Variants in LDLRAD3 observed in about 807,000 individuals in gnomAD.
The protein encoded by LDLRAD3 is low density lipoprotein receptor class A domain containing 3, also known as low-density lipoprotein receptor class A domain-containing protein 3.
Under a neutral mutation model 29.4 loss-of-function variants are expected in LDLRAD3, and 20 were observed. The ratio of observed to expected loss-of-function variants is 0.68; its 90% CI spans 0.48 to 0.99. The LOEUF is 0.99. Among genes scored for constraint, LDLRAD3 ranks in the 50% least tolerant of loss-of-function variants. The pLI is 0.00. For synonymous variants in LDLRAD3, 157 were observed against 192.7 expected (o/e 0.81, Z 1.53); for missense variants, 420 against 454.3 (o/e 0.92, Z 0.69).
intron 5 of LDLRAD3, among the ~76,000 whole-genome samples, chr11:36,228,327 T>C (rs1855527934): frequency 6.6e-6 from 1 of 152,194 alleles, no homozygotes. Context: ...AGTGTAAGAA[T>C]TCAGGACCTT....
intron 1 of LDLRAD3, among the ~76,000 whole-genome samples, chr11:35,958,071 C>T (rs144280879): frequency 5.8e-4 from 88 of 152,260 alleles, no homozygotes; most frequent in African/African-American, 1.7e-3. Flanking sequence ...GGAGAGTTAT[C>T]GTGCCAGTAT....
intron 4 of LDLRAD3, among the ~76,000 whole-genome samples, chr11:36,195,984 A>G (rs529151068): frequency 6.6e-6 from 1 of 151,822 alleles, no homozygotes; most frequent in South Asian, 2.1e-4. Context: ...ACTAAGCCAC[A>G]GTCAGCCCAT....
At chr11:36,086,394 T>A (rs1853196182) in intron 3 of LDLRAD3, among the ~76,000 whole-genome samples, 1 of 151,880 alleles carries the variant, frequency 6.6e-6, no homozygotes. Flanking sequence ...GGAGTGCTTA[T>A]ATATGTGTTT....
rs934663978 is a variant in LDLRAD3, at chr11:36,150,481, T to G, written c.454+52020T>G. Among the ~76,000 whole-genome samples the G allele has an allele frequency of 1.9e-4, 29 of 151,910 alleles. 1 individual carries two copies. Among genetic ancestry groups the G allele is most frequent in the Non-Finnish European group, 2.8e-4 (19 of 67,988 alleles). On this transcript the variant is annotated intron_variant, in intron 4 of 5. Coordinates refer to ENST00000315571, the MANE Select transcript of LDLRAD3 (RefSeq NM_174902.4). ...AGTCCCAGGCTGCCGTGTGTTATAA[T>G]TGTACCAGTGCACTCCAGCGTGGGT...
At chr11:35,967,610 G>T (rs1715637040) in intron 1 of LDLRAD3, 1 of 457,508 alleles carries the variant, frequency 2.2e-6, no homozygotes, top group South Asian at 1.7e-5. Flanking sequence ...AAACTAATCA[G>T]CTTCATTTTC....
At chr11:36,066,995 T>C (rs1030687164) in intron 2 of LDLRAD3, among the ~76,000 whole-genome samples, 1 of 152,214 alleles carries the variant, frequency 6.6e-6, no homozygotes, top group African/African-American at 2.4e-5. Flanking sequence ...CCAGGTGTCC[T>C]AACTTCTCCC....
At chr11:36,098,262 A>G (rs1853392519) in intron 3 of LDLRAD3, 65 bp from the exon 4 acceptor site, 2 of 1,590,076 alleles carry the variant, frequency 1.3e-6, no homozygotes, top group East Asian at 4.5e-5. Flanking sequence ...GGCTGGAAGA[A>G]GTTCCAGGGT....
chr11:36,229,102 T>G, intron 5 of LDLRAD3, 58 bp from the exon 6 acceptor site: 1 of 1,204,630 alleles, frequency 8.3e-7, no homozygotes, highest in Non-Finnish European at 1.2e-6. Flanking sequence ...TTGGCCCTAA[T>G]GTGTTCTCTT....
intron 3 of LDLRAD3, among the ~76,000 whole-genome samples, chr11:36,095,142 C>T (rs1031006135): frequency 4.6e-5 from 7 of 152,208 alleles, no homozygotes; most frequent in African/African-American, 1.7e-4. Context: ...GGTATGATTA[C>T]ACCACTGCAC....
At chr11:36,057,011 G>T (rs1852631499) in intron 2 of LDLRAD3, among the ~76,000 whole-genome samples, 1 of 152,106 alleles carries the variant, frequency 6.6e-6, no homozygotes, top group Middle Eastern at 3.4e-3. Context: ...TTGATGCACT[G>T]GTCTGAGGTC....
rs1437263511 is a variant in LDLRAD3 at position 36,231,619 on chromosome 11, T to C, written c.*2222T>C. Reference sequence around the variant, plus strand: ...GCATCTTAGGAAAAACAAATGGTTTTAGTAGATAAGGGATGCCTACTAATG... The same window carrying C: ...GCATCTTAGGAAAAACAAATGGTTTCAGTAGATAAGGGATGCCTACTAATG... On this transcript the variant is annotated 3_prime_UTR_variant, in exon 6 of 6. Transcript: ENST00000315571. 6.6e-6 allele frequency: 1 copy of C among 152,236 alleles called. No individual in the cohort carries two copies. Among genetic ancestry groups the C allele is most frequent in the Non-Finnish European group, 1.5e-5 (1 of 68,040 alleles). 9.4% of individuals were successfully genotyped at this position (152,236 alleles called of 1,614,324 possible). A position where few individuals can be genotyped will look rare whatever the true frequency, so the allele number is the denominator to read the frequency against.
chr11:36,205,460 T>C (rs1855193663), intron 4 of LDLRAD3, among the ~76,000 whole-genome samples: 1 of 152,174 alleles, frequency 6.6e-6, no homozygotes, highest in African/African-American at 2.4e-5. Context: ...ACAGAGAGAA[T>C]TGATAATGGT....
chr11:36,018,458 A>G (rs559191962), intron 1 of LDLRAD3, among the ~76,000 whole-genome samples: 1 of 152,238 alleles, frequency 6.6e-6, no homozygotes, highest in South Asian at 2.1e-4. Flanking sequence ...ATTTTCACAA[A>G]CTTTGAAGAT....
rs932603530 is a variant in LDLRAD3, at chr11:36,046,626, G to C, written c.193+10377G>C. On this transcript the variant is annotated intron_variant, in intron 2 of 5. Transcript: ENST00000315571. Reference sequence around the variant, plus strand: ...CAAAGACCCAATTTCCAAATATAAGGTCACATTCACAGGTCCCAGGGCACT... The same window carrying C: ...CAAAGACCCAATTTCCAAATATAAGCTCACATTCACAGGTCCCAGGGCACT... Among the ~76,000 whole-genome samples the C allele has an allele frequency of 7.9e-5, 12 of 152,032 alleles. 2 individuals are homozygous for C. The South Asian group carries it at 2.5e-3, about 32-fold the overall frequency.
At chr11:35,951,826 T>C (rs1001213164) in intron 1 of LDLRAD3, among the ~76,000 whole-genome samples, 4 of 152,180 alleles carry the variant, frequency 2.6e-5, no homozygotes, top group African/African-American at 9.7e-5. Flanking sequence ...AGTGACGAAA[T>C]AGGAACAGCT....
intron 2 of LDLRAD3, among the ~76,000 whole-genome samples, chr11:36,041,626 A>C (rs1852382787): frequency 6.6e-6 from 1 of 152,212 alleles, no homozygotes; most frequent in South Asian, 2.1e-4. Flanking sequence ...TCCCCTCTGT[A>C]ATAAAGCAGC....
rs150528116 is a variant in LDLRAD3, at chr11:36,081,727, C to T, written c.268C>T (p.Arg90Trp). Residue 90 changes from arginine (R) to tryptophan (W), a missense_variant, in exon 3 of 6, where the codon CGG (arginine) becomes TGG (tryptophan). This residue lies in a region of LDLRAD3 where 224 missense variants were observed against 222.2 expected (regional missense o/e 1.01). Transcript: ENST00000315571. ...CATCCATTGCATCATTGGTCGCTTC[C>T]GGTGCAATGGGTTTGAGGACTGTCC... ...SGIHCIIGRF[R>W]CNGFEDCPDG... 9.3e-6 allele frequency: 15 copies of T among 1,614,092 alleles called. No individual in the cohort carries two copies. Among genetic ancestry groups the T allele is most frequent in the Middle Eastern group, 1.6e-4 (1 of 6,084 alleles).
At chr11:36,131,425 T>G (rs997192420) in intron 4 of LDLRAD3, among the ~76,000 whole-genome samples, 1 of 152,254 alleles carries the variant, frequency 6.6e-6, no homozygotes, top group Non-Finnish European at 1.5e-5. Context: ...TGCCTGGCAG[T>G]GTCCTGGAAC....
rs1479376370 is a variant in LDLRAD3, at chr11:36,231,030, GT to G, written c.*1636del. Reference sequence around the variant, plus strand: ...AATAAGGGGTAAAACGTTAGGTGTTGTTTGGCAAGAAACCACACTGACTGAT... The same window carrying G: ...AATAAGGGGTAAAACGTTAGGTGTTGTTGGCAAGAAACCACACTGACTGAT... On this transcript the variant is annotated 3_prime_UTR_variant, in exon 6 of 6. Coordinates refer to ENST00000315571, the MANE Select transcript of LDLRAD3 (RefSeq NM_174902.4). 5 of 152,674 alleles carry G rather than the reference GT, an allele frequency of 3.3e-5. No individual in the cohort carries two copies. In the South Asian group the frequency reaches 1.0e-3, roughly 32 times the overall value. 9.5% of individuals were successfully genotyped at this position (152,674 alleles called of 1,614,324 possible).
Sources: allele counts gnomAD v4.1 joint callset (sites outside exome capture counted in the v4.1 genomes callset), GRCh38; gene constraint gnomAD v4.1.1; regional missense constraint gnomAD v4.1.1; transcripts MANE v1.5; gene names NCBI Gene and HGNC (gene_info 2026-07-23, HGNC 2026-07-21).